Variants in AMZ1 observed in about 807,000 individuals in gnomAD.
AMZ1 encodes the protein archaelysin family metallopeptidase 1.
Under a neutral mutation model 29.9 loss-of-function variants are expected in AMZ1, and 39 were observed. The observed-to-expected ratio is 1.30, with a 90% CI of 1.01 to 1.70. The LOEUF (loss-of-function observed/expected upper bound fraction) is 1.70, where lower values mean the gene tolerates loss of function less well. Among genes scored for constraint, AMZ1 ranks in the 40% most tolerant of loss-of-function variants. The pLI is 0.00. For missense variants in AMZ1, 1,041 were observed against 680.6 expected (o/e 1.53, Z -5.89); for synonymous variants, 458 against 304.0 (o/e 1.51, Z -5.27).
At chr7:2,683,917 C>A (rs138668605), upstream of AMZ1, among the ~76,000 whole-genome samples, 1 of 151,524 alleles carries the variant, frequency 6.6e-6, no homozygotes, top group Non-Finnish European at 1.5e-5. Flanking sequence ...GTGGCTCATG[C>A]CTATAATCCC....
Position 2,708,727 on chromosome 7 carries a change from G to T in AMZ1, c.601+11G>T, listed in dbSNP as rs376200739. ...TCCTTCCAGGGCACGGTGAGCCGGG[G>T]CCCCAGCAGCTGTGCGTGGGGGGTA... On this transcript the variant is annotated intron_variant, in intron 4 of 6. Coordinates refer to ENST00000683327, the MANE Select transcript of AMZ1 (RefSeq NM_001384743.1). 5 of 1,611,930 alleles carry T rather than the reference G, an allele frequency of 3.1e-6. No homozygotes were observed. The African/African-American group carries it at 4.0e-5, about 13-fold the overall frequency.
Position 2,712,546 on chromosome 7 carries a change from G to A in AMZ1, c.1165G>A (p.Ala389Thr), listed in dbSNP as rs138704193. 1,205 of 1,608,974 alleles carry A rather than the reference G, an allele frequency of 7.5e-4. 5 individuals are homozygous for A. In the African/African-American group the frequency reaches 0.014, roughly 19 times the overall value. Residue 389 changes from alanine to threonine, a missense_variant, in exon 7 of 7, where the codon GCA becomes ACA. Coordinates refer to ENST00000683327, the MANE Select transcript of AMZ1 (RefSeq NM_001384743.1). ...SGPEEGLSYL[A>T]ASEAPLPPGG... is the part of the protein sequence containing the mutation. ...GCCAGAGGAAGGGCTGAGCTACCTG[G>A]CAGCCTCAGAGGCTCCGCTGCCACC...
intron 4 of AMZ1, chr7:2,729,986 A>T (rs1789806342): frequency 6.6e-6 from 1 of 152,344 alleles, no homozygotes; most frequent in Non-Finnish European, 1.5e-5. Flanking sequence ...TTCTGCAAGC[A>T]CAGTCATAGA....
chr7:2,736,573 G>T (rs1017069674), intron 4 of AMZ1, among the ~76,000 whole-genome samples: 1 of 152,144 alleles, frequency 6.6e-6, no homozygotes, highest in South Asian at 2.1e-4. Context: ...TTGATATGGG[G>T]CCTGTGCACC....
chr7:2,707,760 C>G (rs1788446537), intron 3 of AMZ1, among the ~76,000 whole-genome samples: 2 of 151,870 alleles, frequency 1.3e-5, no homozygotes, highest in Non-Finnish European at 1.5e-5. Context: ...CGAGCCAGCC[C>G]TGCAGTGCCC....
In AMZ1 at chr7:2,708,679, C is replaced by T. The variant is rs150486929; in HGVS notation, c.564C>T (p.Ala188=). The change falls in exon 4 of 7, where the codon GCC becomes GCT. Residue 188 remains alanine, a synonymous_variant. Transcript: ENST00000683327. The stretch of plus-strand genomic sequence containing the variant: ...TGTCTGACCTGTACCCCCATGAGGC[C>T]TGGAGCTTCACCTTCAGCAAGTTCC... ...LTLSDLYPHE[A]WSFTFSKFLP... 5.8e-5 allele frequency: 93 copies of T among 1,613,072 alleles called. No individual in the cohort carries two copies. The highest frequency in any genetic ancestry group is 1.7e-4 in the Middle Eastern group (1 of 6,020).
In AMZ1 at chr7:2,717,563, A is replaced by G. The variant is rs1329094567; in HGVS notation, c.*4685A>G. 6.6e-6 allele frequency among the ~76,000 whole-genome samples: 1 copy of G among 152,220 alleles called. No homozygotes were observed. Among genetic ancestry groups the G allele is most frequent in the African/African-American group, 2.4e-5 (1 of 41,466 alleles). On this transcript the variant is annotated 3_prime_UTR_variant, in exon 7 of 7. Transcript: ENST00000683327. The stretch of plus-strand genomic sequence containing the variant: ...CTGCACACAGAGGTGCCCAGTTTCA[A>G]GGAAACCTAAAGCAGCAGCAAATTT...
At position 2,718,333 on chromosome 7, in the gene AMZ1, A is replaced by G. The variant is rs973370744; in HGVS notation, c.*5455A>G. Among the ~76,000 whole-genome samples the G allele has an allele frequency of 2.0e-5, 3 of 152,182 alleles. No individual in the cohort carries two copies. Among genetic ancestry groups the G allele is most frequent in the African/African-American group, 4.8e-5 (2 of 41,438 alleles). The stretch of plus-strand genomic sequence containing the variant: ...ACAGTGTGCCTGGTTTTCTGGATAC[A>G]GCATGACTGAACCGCCCCTTCTCAG... On this transcript the variant is annotated 3_prime_UTR_variant, in exon 7 of 7. Coordinates refer to ENST00000683327, the MANE Select transcript of AMZ1 (RefSeq NM_001384743.1).
In AMZ1 at chr7:2,709,640, G is replaced by A. The variant is rs758365016; in HGVS notation, c.772G>A (p.Val258Ile). The A allele has an allele frequency of 3.7e-6, 6 of 1,608,196 alleles. No individual in the cohort carries two copies. The highest frequency in any genetic ancestry group is 5.1e-6 in the Non-Finnish European group (6 of 1,178,154). Residue 258 changes from valine (V) to isoleucine (I), a missense_variant and splice_region_variant, in exon 6 of 7, where the codon GTC (valine) becomes ATC (isoleucine). Val to Ile is a conservative substitution (Grantham distance 29). Transcript: ENST00000683327. ...AGGTGCTTGGTGGCCTTCCCCCCAGGTCACGTGCCACGAGCTCTGCCACCT... is the reference window on the plus strand; with the variant it reads ...AGGTGCTTGGTGGCCTTCCCCCCAGATCACGTGCCACGAGCTCTGCCACCT... The part of the protein sequence containing the change: ...SALGMVQCCK[V>I]TCHELCHLLG...
At chr7:2,745,417 C>G (rs1191401338) in intron 4 of AMZ1, among the ~76,000 whole-genome samples, 1 of 152,168 alleles carries the variant, frequency 6.6e-6, no homozygotes, top group Non-Finnish European at 1.5e-5. Flanking sequence ...TCCAGCCAAA[C>G]TAAGCTTCAT....
chr7:2,699,485 C>T (rs975413313), intron 1 of AMZ1, among the ~76,000 whole-genome samples: 5 of 152,302 alleles, frequency 3.3e-5, no homozygotes, highest in Admixed American at 6.5e-5. Flanking sequence ...CGGGCCCTCA[C>T]GTGTGTCCTG....
chr7:2,702,853 C>G lies in AMZ1; in HGVS notation c.436C>G (p.Pro146Ala). Reference sequence around the variant, plus strand: ...CGCGTCCATCCGCTGCTCCTCGCGGCCCAGCCGGGACTCTGACAGGCTCCA... The same window carrying G: ...CGCGTCCATCCGCTGCTCCTCGCGGGCCAGCCGGGACTCTGACAGGCTCCA... ...AAASIRCSSR[P>A]SRDSDRLQLH... The change falls in exon 3 of 7, where the codon CCC becomes GCC. Residue 146 changes from proline to alanine, a missense_variant. Transcript: ENST00000683327. The G allele has an allele frequency of 1.3e-6, 2 of 1,585,888 alleles. No individual in the cohort carries two copies. Among genetic ancestry groups the G allele is most frequent in the Non-Finnish European group, 8.5e-7 (1 of 1,172,004 alleles).
At chr7:2,695,205 T>C (rs1017349689) in intron 1 of AMZ1, among the ~76,000 whole-genome samples, 1 of 152,152 alleles carries the variant, frequency 6.6e-6, no homozygotes, top group Non-Finnish European at 1.5e-5. Flanking sequence ...GCATCTGATG[T>C]TTCTTTCTTC....
In AMZ1 at chr7:2,702,782, C is replaced by T. The variant is rs750964688; in HGVS notation, c.365C>T (p.Ala122Val). 1.3e-5 allele frequency: 20 copies of T among 1,544,496 alleles called. No individual in the cohort carries two copies. The highest frequency in any genetic ancestry group is 3.6e-4 in the Middle Eastern group (2 of 5,546). Residue 122 changes from alanine to valine, a missense_variant, in exon 3 of 7, where the codon GCC becomes GTC. Physicochemically the swap from Ala to Val is moderately conservative, Grantham distance 64 (BLOSUM62 0). Coordinates refer to ENST00000683327, the MANE Select transcript of AMZ1 (RefSeq NM_001384743.1). The part of the protein sequence containing the change: ...LLHQLCSCTE[A>V]FFLGLRVKCL... ...CACCAGCTGTGCAGCTGCACAGAGGCCTTCTTCCTGGGCCTGCGCGTCAAG... is the reference window on the plus strand; with the variant it reads ...CACCAGCTGTGCAGCTGCACAGAGGTCTTCTTCCTGGGCCTGCGCGTCAAG...
At chr7:2,728,045 C>T (rs940321660) in intron 4 of AMZ1, 14 of 150,740 alleles carry the variant, frequency 9.3e-5, no homozygotes, top group African/African-American at 3.4e-4. Context: ...TGAGAGTGAT[C>T]TGCTGTGAAT....
intron 4 of AMZ1, among the ~76,000 whole-genome samples, chr7:2,759,391 C>A (rs115901469): frequency 6.6e-6 from 1 of 152,272 alleles, no homozygotes; most frequent in African/African-American, 2.4e-5. Context: ...CACCTTCATT[C>A]TCACAATACT....
At chr7:2,748,496 C>T (rs865783533) in intron 4 of AMZ1, among the ~76,000 whole-genome samples, 4 of 149,630 alleles carry the variant, frequency 2.7e-5, no homozygotes, top group Admixed American at 6.7e-5. Flanking sequence ...TTACACCTTA[C>T]ACAAAAATTA....
upstream of AMZ1, among the ~76,000 whole-genome samples, chr7:2,685,511 T>C (rs1375762448): frequency 1.4e-5 from 2 of 147,692 alleles, no homozygotes; most frequent in African/African-American, 5.1e-5. Context: ...TGAGCCGAGA[T>C]CGCGCCACTT....
At chr7:2,704,142 G>C (rs1788215351) in intron 3 of AMZ1, among the ~76,000 whole-genome samples, 1 of 152,200 alleles carries the variant, frequency 6.6e-6, no homozygotes. Context: ...GCCTGCATTG[G>C]CCTCCCAAAG....
Sources: allele counts gnomAD v4.1 joint callset (sites outside exome capture counted in the v4.1 genomes callset), GRCh38; gene constraint gnomAD v4.1.1; transcripts MANE v1.5; gene names NCBI Gene and HGNC (gene_info 2026-07-23, HGNC 2026-07-21).